RNF123: variants seen among roughly 807,000 people sequenced by gnomAD.
RNF123 encodes E3 ubiquitin-protein ligase RNF123.
Under a neutral mutation model 168.5 loss-of-function variants are expected in RNF123, and 86 were observed. That is an observed-to-expected ratio of 0.51 (90% CI 0.43 to 0.61). The LOEUF is 0.61. RNF123 is among the 20% of genes least tolerant of loss of function. The pLI is 0.00. For synonymous variants in RNF123, 666 were observed against 689.1 expected (o/e 0.97, Z 0.52); for missense variants, 1,419 against 1,729.7 (o/e 0.82, Z 3.19).
intron 18 of RNF123, 31 bp from the exon 19 acceptor site, chr3:49,702,303 C>T (rs774530487): frequency 6.2e-7 from 1 of 1,612,008 alleles, no homozygotes; most frequent in South Asian, 1.1e-5. Flanking sequence ...ATTCTCAGCT[C>T]AGCACAGCCT....
chr3:49,706,721 C>T (rs2054527331), intron 25 of RNF123, 70 bp from the exon 26 acceptor site: 1 of 1,376,396 alleles, frequency 7.3e-7, no homozygotes, highest in Admixed American at 1.7e-5. Flanking sequence ...TCCTAGGCTG[C>T]CTGCAGGATC....
chr3:49,700,508 A>G lies in RNF123; in HGVS notation c.1147A>G (p.Met383Val). 1 of 1,614,138 alleles carries G rather than the reference A, an allele frequency of 6.2e-7. No homozygotes were observed. Among genetic ancestry groups the G allele is most frequent in the Non-Finnish European group, 8.5e-7 (1 of 1,180,016 alleles). The stretch of plus-strand genomic sequence containing the variant: ...ACAAGATTGCCTCAAGCAGTTGATG[A>G]TGTCTCTGCTTCGGCTGTACCGATT... ...EVQDCLKQLMMSLLRLYRFSP... is the reference protein window; with the variant it reads ...EVQDCLKQLMVSLLRLYRFSP... Residue 383 changes from methionine to valine, a missense_variant, in exon 14 of 39, where the codon ATG becomes GTG. Physicochemically the swap from Met to Val is conservative, Grantham distance 21 (BLOSUM62 1). Around this residue, in one of 5 missense-constraint regions of RNF123, gnomAD observed 349 missense variants for 344.9 expected, o/e 1.01. Coordinates refer to ENST00000327697, the MANE Select transcript of RNF123 (RefSeq NM_022064.5).
chr3:49,709,558 C>A (rs1171878238), intron 26 of RNF123, among the ~76,000 whole-genome samples: 6 of 152,074 alleles, frequency 3.9e-5, no homozygotes, highest in Non-Finnish European at 5.9e-5. Context: ...CCTCGGCCTC[C>A]CAAAGTGCTG....
Position 49,715,968 on chromosome 3 carries a change from G to T in RNF123, c.3297G>T (p.Trp1099Cys). 6.2e-7 allele frequency: 1 copy of T among 1,614,000 alleles called. No homozygotes were observed. Among genetic ancestry groups the T allele is most frequent in the Non-Finnish European group, 8.5e-7 (1 of 1,180,028 alleles). ...ITLVPEIFLD[W>C]TRPTSEMLLR... Reference sequence around the variant, plus strand: ...TGGTGCCTGAGATATTCCTTGACTGGACCCGGCCTACCTCTGAGATGCTGC... The same window carrying T: ...TGGTGCCTGAGATATTCCTTGACTGTACCCGGCCTACCTCTGAGATGCTGC... The change falls in exon 33 of 39, where the codon TGG (tryptophan) becomes TGT (cysteine). Residue 1099 changes from tryptophan to cysteine, a missense_variant. By Grantham distance (215) the Trp-to-Cys change is radical. This residue lies in a region of RNF123 where 538 missense variants were observed against 708.8 expected (regional missense o/e 0.76). Transcript: ENST00000327697.
chr3:49,710,627 T>TTG (rs566611669), intron 26 of RNF123, among the ~76,000 whole-genome samples: 217 of 151,844 alleles, frequency 1.4e-3, no homozygotes, highest in Middle Eastern at 3.4e-3. Flanking sequence ...AGTTGGGGTT[T>TTG]TGTGTGTGTG....
At position 49,697,494 on chromosome 3, in the gene RNF123, C is replaced by G. The variant is rs982739963; in HGVS notation, c.342+37C>G. 4 of 1,486,424 alleles carry G rather than the reference C, an allele frequency of 2.7e-6. No individual in the cohort carries two copies. In the African/African-American group the frequency reaches 5.6e-5, roughly 21 times the overall value. 92.1% of individuals were successfully genotyped at this position (1,486,424 alleles called of 1,614,324 possible). On this transcript the variant is annotated intron_variant, in intron 5 of 38. Coordinates refer to ENST00000327697, the MANE Select transcript of RNF123 (RefSeq NM_022064.5). Reference sequence around the variant, plus strand: ...TGAGGTGTGGAGACCCAGGTCCAGCCCCTTCTGACATAGCCCCAGGCTCCT... The same window carrying G: ...TGAGGTGTGGAGACCCAGGTCCAGCGCCTTCTGACATAGCCCCAGGCTCCT...
At chr3:49,691,533 C>T (rs776092816) in intron 3 of RNF123, 24 bp downstream of exon 3, 8 of 1,595,282 alleles carry the variant, frequency 5.0e-6, no homozygotes, top group African/African-American at 1.3e-5. Context: ...GGTGGCCCCT[C>T]CTCACTCTGC....
At position 49,697,561 on chromosome 3, in the gene RNF123, C is replaced by T. The variant is rs533881424; in HGVS notation, c.342+104C>T. ...TCTCTCTACTCATCTGATGGGGCTG[C>T]AGCCAAAACTTGTCCTGACGTGGCC... On this transcript the variant is annotated intron_variant, in intron 5 of 38. Transcript: ENST00000327697. The T allele has an allele frequency of 2.0e-5, 19 of 928,502 alleles. No individual in the cohort carries two copies. The South Asian group carries it at 3.2e-4, about 16-fold the overall frequency. 57.5% of individuals were successfully genotyped at this position (928,502 alleles called of 1,614,324 possible). A position where few individuals can be genotyped will look rare whatever the true frequency, so the allele number is the denominator to read the frequency against.
chr3:49,709,688 C>T lies in RNF123; in HGVS notation c.2496+2790C>T, dbSNP rs957930489. ...TCCCGACCTCAGGTGATTCGCCCGC[C>T]TCGGCCTCCCAAAGTGCTGGGGTTA... is the stretch of plus-strand genomic sequence containing the variant. On this transcript the variant is annotated intron_variant, in intron 26 of 38. Coordinates refer to ENST00000327697, the MANE Select transcript of RNF123 (RefSeq NM_022064.5). Among the ~76,000 whole-genome samples the T allele has an allele frequency of 2.6e-5, 4 of 152,148 alleles. No individual in the cohort carries two copies. In the South Asian group the frequency reaches 8.3e-4, roughly 31 times the overall value.
At chr3:49,705,704 T>A in intron 24 of RNF123, 25 bp downstream of exon 24, 2 of 1,613,918 alleles carry the variant, frequency 1.2e-6, no homozygotes, top group Non-Finnish European at 1.7e-6. Flanking sequence ...GACCCCGCAT[T>A]GGGTGGCGGG....
At chr3:49,689,776 TGGG>T (rs896219850) in intron 1 of RNF123, 170 bp downstream of exon 1, 20 of 152,184 alleles carry the variant, frequency 1.3e-4, no homozygotes, top group African/African-American at 4.8e-4. Flanking sequence ...GGGGGCGACT[TGGG>T]GGAGCCATGC....
intron 25 of RNF123, 123 bp downstream of exon 25, chr3:49,706,188 C>T (rs1179620149): frequency 1.0e-5 from 9 of 861,018 alleles, no homozygotes; most frequent in South Asian, 4.4e-5. Flanking sequence ...GGCCATAGCA[C>T]GCCAGTGAGA....
rs2080196990 is a variant in RNF123, at chr3:49,714,181, A to T, written c.3010+7A>T. 1 of 1,613,770 alleles carries T rather than the reference A, an allele frequency of 6.2e-7. No homozygotes were observed. ...AATTTGCCCAGCCTCCAGAGTGAGT[A>T]TCTGGGTTGGGCGAGTCCTGGGCAA... On this transcript the variant is annotated splice_region_variant and intron_variant, in intron 31 of 38. Transcript: ENST00000327697.
intron 26 of RNF123, among the ~76,000 whole-genome samples, chr3:49,709,824 C>T (rs1023019924): frequency 5.3e-5 from 8 of 152,180 alleles, no homozygotes; most frequent in Non-Finnish European, 1.0e-4. Context: ...CCGCCTGCCT[C>T]GGCTTCCCAA....
Position 49,706,012 on chromosome 3 carries a change from T to G in RNF123, c.2335T>G (p.Tyr779Asp). 6.2e-7 allele frequency: 1 copy of G among 1,614,116 alleles called. No homozygotes were observed. Among genetic ancestry groups the G allele is most frequent in the Non-Finnish European group, 8.5e-7 (1 of 1,180,006 alleles). ...MVGVSDDVNE[Y>D]AMALRDTEDK... ...GGGTGTCTCCGATGATGTCAATGAA[T>G]ACGCTATGGCTCTGAGGGACACAGA... The change falls in exon 25 of 39, where the codon TAC (tyrosine) becomes GAC (aspartate). Residue 779 changes from tyrosine to aspartate, a missense_variant. Transcript: ENST00000327697.
At chr3:49,718,233 G>T in intron 35 of RNF123, 1 of 1,611,776 alleles carries the variant, frequency 6.2e-7, no homozygotes, top group South Asian at 1.1e-5. Context: ...GGCAGGCACG[G>T]CGGCAGCAGC....
At chr3:49,712,939 C>T (rs1259411600) in intron 27 of RNF123, 10 of 703,076 alleles carry the variant, frequency 1.4e-5, no homozygotes, top group Admixed American at 2.0e-5. Context: ...GTGCTATGAG[C>T]AACTGCCATG....
In RNF123 at chr3:49,699,782, A is replaced by G; in HGVS notation, c.984+10A>G. ...CTTTGCACCGCTTCTGGTGAGCGGC[A>G]TTGGGAGGGGCATGGGAGGGGAGGA... On this transcript the variant is annotated intron_variant, in intron 12 of 38. Coordinates refer to ENST00000327697, the MANE Select transcript of RNF123 (RefSeq NM_022064.5). This position sits in a 1 kb window ranked among gnomAD's most constrained non-coding sequence, Gnocchi z 4.8. 6.2e-7 allele frequency: 1 copy of G among 1,611,864 alleles called. No homozygotes were observed. Among genetic ancestry groups the G allele is most frequent in the Non-Finnish European group, 8.5e-7 (1 of 1,179,046 alleles).
chr3:49,712,814 C>T (rs534072702), intron 27 of RNF123, 158 bp downstream of exon 27: 11 of 816,612 alleles, frequency 1.3e-5, no homozygotes, highest in African/African-American at 6.7e-5. Flanking sequence ...AGCAAACAAA[C>T]GTCTGCACCC....
Sources: gnomAD v4.1 joint callset for allele counts (sites outside exome capture counted in the v4.1 genomes callset) on GRCh38, gnomAD v4.1.1 for gene constraint, gnomAD v4.1.1 regional missense constraint, Gnocchi (gnomAD v3.1) non-coding constraint, MANE v1.5 for transcripts, NCBI Gene and HGNC (gene_info 2026-07-23, HGNC 2026-07-21) for gene names.